Variants in ARSB observed in about 807,000 individuals in gnomAD.
ARSB encodes the protein N-acetylgalactosamine-4-sulfatase.
Under a neutral mutation model 50.9 loss-of-function variants are expected in ARSB, and 41 were observed. The ratio of observed to expected loss-of-function variants is 0.81; its 90% CI spans 0.63 to 1.04. ARSB has a LOEUF of 1.04. ARSB is among the 50% of genes least tolerant of loss of function. The pLI is 0.00. For synonymous variants in ARSB, 269 were observed against 284.8 expected, an observed-to-expected ratio of 0.94 and a Z score of 0.56; for missense variants, 672 against 693.3, an observed-to-expected ratio of 0.97 and a Z score of 0.35.
chr5:78,815,892 A>G, intron 6 of ARSB: 8 of 1,442,568 alleles, frequency 5.5e-6, no homozygotes, highest in Non-Finnish European at 7.2e-6. Context: ...TGGTTGATCT[A>G]AGTAAGACAG....
At chr5:78,824,809 C>T (rs1744368063) in intron 6 of ARSB, among the ~76,000 whole-genome samples, 1 of 152,034 alleles carries the variant, frequency 6.6e-6, no homozygotes, top group Non-Finnish European at 1.5e-5. Flanking sequence ...AAAACAATGC[C>T]AAGATTATTG....
intron 1 of ARSB, among the ~76,000 whole-genome samples, chr5:78,983,217 C>T (rs1035017951): frequency 1.3e-5 from 2 of 152,106 alleles, no homozygotes; most frequent in African/African-American, 4.8e-5. Context: ...CCACACTCGG[C>T]TAATTTTTGT....
At chr5:78,877,903 A>T (rs1747562236) in intron 5 of ARSB, among the ~76,000 whole-genome samples, 1 of 152,220 alleles carries the variant, frequency 6.6e-6, no homozygotes, top group Admixed American at 6.5e-5. Context: ...ATGTTCAGGA[A>T]GTTAAGTAGT....
intron 1 of ARSB, among the ~76,000 whole-genome samples, chr5:78,976,277 ACT>A (rs1752659685): frequency 8.9e-6 from 1 of 112,260 alleles, no homozygotes; most frequent in Non-Finnish European, 1.9e-5. Context: ...AAAACAGGCT[ACT>A]TTTTTTTTTT....
At chr5:78,845,391 C>T (rs1200601826) in intron 5 of ARSB, among the ~76,000 whole-genome samples, 1 of 152,058 alleles carries the variant, frequency 6.6e-6, no homozygotes, top group Non-Finnish European at 1.5e-5. Context: ...TGCATATATA[C>T]CCAGTAGCGG....
intron 6 of ARSB, among the ~76,000 whole-genome samples, chr5:78,800,464 C>A (rs1444060274): frequency 6.6e-6 from 1 of 152,142 alleles, no homozygotes; most frequent in African/African-American, 2.4e-5. Flanking sequence ...AAAAAGCACT[C>A]CCCCTTAACT....
chr5:78,855,586 T>G (rs1296499887), intron 5 of ARSB, among the ~76,000 whole-genome samples: 1 of 152,158 alleles, frequency 6.6e-6, no homozygotes, highest in African/African-American at 2.4e-5. Context: ...CAGCCATAGT[T>G]CCAACTCCAA....
chr5:78,790,025 G>A (rs922829822), intron 6 of ARSB, among the ~76,000 whole-genome samples: 1 of 152,160 alleles, frequency 6.6e-6, no homozygotes, highest in East Asian at 1.9e-4. Context: ...GGGTGAACGG[G>A]AGGGTCTAGA....
At chr5:78,887,063 C>T (rs147300271) in intron 4 of ARSB, among the ~76,000 whole-genome samples, 124 of 152,298 alleles carry the variant, frequency 8.1e-4, no homozygotes, top group African/African-American at 2.6e-3. Context: ...TCAGTTTCCT[C>T]GTCTTCATGT....
chr5:78,919,728 T>A (rs1030456777), intron 4 of ARSB, among the ~76,000 whole-genome samples: 1 of 152,080 alleles, frequency 6.6e-6, no homozygotes, highest in Non-Finnish European at 1.5e-5. Flanking sequence ...CCTGACCTCA[T>A]GATCTGCCCG....
intron 4 of ARSB, among the ~76,000 whole-genome samples, chr5:78,945,606 G>T (rs539226695): frequency 1.3e-5 from 2 of 152,140 alleles, no homozygotes; most frequent in African/African-American, 4.8e-5. Context: ...AAACTTTTAA[G>T]TGCCTCACTG....
intron 4 of ARSB, among the ~76,000 whole-genome samples, chr5:78,934,464 A>C (rs1481680069): frequency 1.3e-5 from 2 of 152,170 alleles, no homozygotes; most frequent in African/African-American, 4.8e-5. Flanking sequence ...TGCTGATATT[A>C]TAATAATATA....
chr5:78,944,428 G>T (rs1166922990), intron 4 of ARSB, among the ~76,000 whole-genome samples: 1 of 152,184 alleles, frequency 6.6e-6, no homozygotes, highest in African/African-American at 2.4e-5. Context: ...TTTGGTCTTT[G>T]ATGATGGTGA....
intron 5 of ARSB, among the ~76,000 whole-genome samples, chr5:78,849,964 G>A (rs1169873362): frequency 6.6e-6 from 1 of 151,640 alleles, no homozygotes; most frequent in Non-Finnish European, 1.5e-5. Flanking sequence ...ATTTGGGGCT[G>A]AGACGATGGG....
chr5:78,815,072 G>A (rs1159371423), intron 6 of ARSB, among the ~76,000 whole-genome samples: 14 of 150,914 alleles, frequency 9.3e-5, no homozygotes, highest in Admixed American at 3.3e-4. Context: ...AGTTAAAGGC[G>A]TTGGGATTAT....
intron 4 of ARSB, among the ~76,000 whole-genome samples, chr5:78,920,737 T>C (rs1344076869): frequency 2.6e-5 from 4 of 152,102 alleles, no homozygotes; most frequent in Non-Finnish European, 5.9e-5. Context: ...GTGCTTCAGC[T>C]CCTCATAGAT....
intron 6 of ARSB, among the ~76,000 whole-genome samples, chr5:78,821,658 T>C (rs1744228727): frequency 2.6e-5 from 4 of 152,246 alleles, no homozygotes; most frequent in Admixed American, 2.6e-4. Flanking sequence ...GTTACAATTT[T>C]GTATAAAGCA....
At chr5:78,833,571 G>T (rs1019959471) in intron 6 of ARSB, among the ~76,000 whole-genome samples, 1 of 152,154 alleles carries the variant, frequency 6.6e-6, no homozygotes, top group Non-Finnish European at 1.5e-5. Context: ...AGGGAGGAAG[G>T]GGATAAAAGC....
At chr5:78,884,362 C>T (rs1181388488) in intron 5 of ARSB, 2 of 142,208 alleles carry the variant, frequency 1.4e-5, no homozygotes, top group Non-Finnish European at 3.0e-5. Context: ...TGCACATGTA[C>T]ATACATACAC....
Sources: allele counts gnomAD v4.1 joint callset (sites outside exome capture counted in the v4.1 genomes callset), GRCh38; gene constraint gnomAD v4.1.1; transcripts MANE v1.5; gene names NCBI Gene and HGNC (gene_info 2026-07-23, HGNC 2026-07-21).